HDHD5: variants seen among roughly 807,000 people sequenced by gnomAD.
HDHD5 encodes the protein haloacid dehalogenase like hydrolase domain containing 5, also known as haloacid dehalogenase-like hydrolase domain-containing 5.
In HDHD5, 34 loss-of-function variants were observed where a neutral mutation model predicts 35.5. The ratio of observed to expected loss-of-function variants is 0.96; its 90% confidence interval spans 0.73 to 1.28. The LOEUF is 1.28. HDHD5 is among the 50% of genes most tolerant of loss of function. The pLI, the probability that HDHD5 is intolerant of heterozygous loss-of-function variation, is 0.00. For missense variants in HDHD5, 589 were observed against 560.2 expected (o/e 1.05, Z -0.52); for synonymous variants, 248 against 240.6 (o/e 1.03, Z -0.29).
upstream of HDHD5, among the ~76,000 whole-genome samples, chr22:17,161,573 A>AG (rs2061864168): frequency 6.6e-6 from 1 of 151,824 alleles, no homozygotes; most frequent in African/African-American, 2.4e-5. Flanking sequence ...CCAAAAAAAA[A>AG]AAAAGCTGGA....
intron 3 of HDHD5, among the ~76,000 whole-genome samples, chr22:17,147,517 G>A (rs1314752839): frequency 1.3e-4 from 16 of 125,104 alleles, no homozygotes; most frequent in Middle Eastern, 6.1e-3. Context: ...ACACGCCATC[G>A]CACACGCCCC....
chr22:17,140,976 C>A, intron 6 of HDHD5, 83 bp downstream of exon 6: 1 of 1,319,868 alleles, frequency 7.6e-7, no homozygotes, highest in Non-Finnish European at 1.0e-6. Flanking sequence ...GGTGTCAGGA[C>A]GGATGGGAAC....
Position 17,159,145 on chromosome 22 carries a change from T to C in HDHD5, c.107A>G (p.Tyr36Cys), listed in dbSNP as rs1568953990. ...CCTCACCTGAGCGGGGCCCACAGCA[T>C]AGCACCTGCGGGCGGGGCGGCCCTG... ...GLQGRPARRC[Y>C]AVGPAQSPPT... The change falls in exon 1 of 8, where the codon TAT becomes TGT. Residue 36 changes from tyrosine (Y) to cysteine (C), a missense_variant. Transcript: ENST00000336737. The C allele has an allele frequency of 8.1e-7, 1 of 1,227,962 alleles. No homozygotes were observed. The highest frequency in any genetic ancestry group is 1.0e-6 in the Non-Finnish European group (1 of 983,568). 76.1% of individuals were successfully genotyped at this position (1,227,962 alleles called of 1,614,324 possible).
Position 17,138,677 on chromosome 22 carries a change from C to G in HDHD5, c.808G>C (p.Glu270Gln). 1 of 1,614,218 alleles carries G rather than the reference C, an allele frequency of 6.2e-7. No homozygotes were observed. The highest frequency in any genetic ancestry group is 1.1e-5 in the South Asian group (1 of 91,080). The change falls in exon 7 of 8, where the codon GAG becomes CAG. Residue 270 changes from glutamate (E) to glutamine (Q), a missense_variant. Glu to Gln is a conservative substitution (Grantham distance 29). Coordinates refer to ENST00000336737, the MANE Select transcript of HDHD5 (RefSeq NM_033070.3). Reference protein sequence around the residue: ...ETIYQKVTGKELRYEGLMGKP... With the variant: ...ETIYQKVTGKQLRYEGLMGKP... Reference sequence around the variant, plus strand: ...CCCATCAGGCCCTCGTATCTCAGCTCCTTGCCCGTCACTTTCTGGTAAATG... The same window carrying G: ...CCCATCAGGCCCTCGTATCTCAGCTGCTTGCCCGTCACTTTCTGGTAAATG...
intron 6 of HDHD5, 145 bp downstream of exon 6, chr22:17,140,914 C>G: frequency 1.5e-6 from 1 of 648,724 alleles, no homozygotes; most frequent in Admixed American, 4.0e-5. Context: ...TTCCAAAGGC[C>G]AGGTTACTGC....
chr22:17,148,373 T>C (rs2061688540), intron 3 of HDHD5, 75 bp downstream of exon 3: 3 of 1,215,876 alleles, frequency 2.5e-6, no homozygotes, highest in Non-Finnish European at 3.6e-6. Flanking sequence ...CTCACTACAG[T>C]CCCCACTCAG....
chr22:17,141,702 G>C (rs1032132955), intron 5 of HDHD5: 2 of 793,530 alleles, frequency 2.5e-6, no homozygotes, highest in Non-Finnish European at 3.1e-6. Context: ...TCTCCTGTAT[G>C]ACTGTGGCCA....
intron 1 of HDHD5, among the ~76,000 whole-genome samples, chr22:17,158,278 G>C (rs1218022317): frequency 6.6e-6 from 1 of 151,792 alleles, no homozygotes; most frequent in Non-Finnish European, 1.5e-5. Flanking sequence ...CAGAGATTGC[G>C]CCACTGCACT....
At chr22:17,149,420 G>A (rs2061700632) in intron 2 of HDHD5, 122 bp downstream of exon 2, 1 of 831,830 alleles carries the variant, frequency 1.2e-6, no homozygotes, top group Admixed American at 2.3e-5. Context: ...GTTCAGCTGT[G>A]GCCATGACCT....
rs555445659 is a variant in HDHD5, at chr22:17,148,662, C to T, written c.331-102G>A. 363 of 859,972 alleles carry T rather than the reference C, an allele frequency of 4.2e-4. 1 individual carries two copies. Among genetic ancestry groups the T allele is most frequent in the Non-Finnish European group, 6.5e-4 (336 of 520,412 alleles). 53.3% of individuals were successfully genotyped at this position (859,972 alleles called of 1,614,324 possible). ...CCTTTAGCCTAGGGAAGGAAAAAACCCGCTCAGAAAAAGAACGGGGAGGAA... is the reference window on the plus strand; with the variant it reads ...CCTTTAGCCTAGGGAAGGAAAAAACTCGCTCAGAAAAAGAACGGGGAGGAA... On this transcript the variant is annotated intron_variant, in intron 2 of 7. Transcript: ENST00000336737.
At chr22:17,164,222 GAAAAAAAAAAA>G (rs60212114), upstream of HDHD5, among the ~76,000 whole-genome samples, 6 of 111,962 alleles carry the variant, frequency 5.4e-5, no homozygotes, top group African/African-American at 1.9e-4. Context: ...CTCCATCTCA[GAAAAAAAAAAA>G]AAAAAAAAAA....
At chr22:17,150,097 G>A (rs998204700) in intron 1 of HDHD5, among the ~76,000 whole-genome samples, 37 of 151,962 alleles carry the variant, frequency 2.4e-4, no homozygotes, top group African/African-American at 8.9e-4. Context: ...TATTAGGCGT[G>A]AGCCACCGAG....
At chr22:17,162,156 A>C (rs1601409918), upstream of HDHD5, among the ~76,000 whole-genome samples, 6 of 152,358 alleles carry the variant, frequency 3.9e-5, no homozygotes, top group Middle Eastern at 0.014. Context: ...GCATCCTACC[A>C]GTAGTCAGGA....
At chr22:17,162,662 A>C (rs532163970), upstream of HDHD5, among the ~76,000 whole-genome samples, 1 of 152,336 alleles carries the variant, frequency 6.6e-6, no homozygotes, top group South Asian at 2.1e-4. Flanking sequence ...TGTACGTGAT[A>C]AGTCTTTATT....
At chr22:17,148,640 T>C (rs1568945690) in intron 2 of HDHD5, 80 bp from the exon 3 acceptor site, 2 of 1,116,038 alleles carry the variant, frequency 1.8e-6, no homozygotes, top group Non-Finnish European at 1.3e-6. Flanking sequence ...GGCAGGTCCT[T>C]TAGCCTAGGG....
upstream of HDHD5, chr22:17,159,286 G>GCCCC (rs746678755): frequency 5.3e-5 from 55 of 1,040,484 alleles, no homozygotes; most frequent in African/African-American, 1.3e-4. Flanking sequence ...ACGGCGTGCG[G>GCCCC]CCCCCCCCCC....
At chr22:17,160,656 A>AC, upstream of HDHD5, among the ~76,000 whole-genome samples, 1 of 149,664 alleles carries the variant, frequency 6.7e-6, no homozygotes, top group East Asian at 1.9e-4. Context: ...CTTGAAAAAA[A>AC]AAAAAATAAT....
chr22:17,148,537 G>A lies in HDHD5; in HGVS notation c.354C>T (p.Leu118=). 6.2e-7 allele frequency: 1 copy of A among 1,614,196 alleles called. No individual in the cohort carries two copies. The highest frequency in any genetic ancestry group is 8.5e-7 in the Non-Finnish European group (1 of 1,180,032). Residue 118 remains leucine (L), a synonymous_variant, in exon 3 of 8, where the codon CTC becomes CTT. Transcript: ENST00000336737. ...AGAAGAGCTTCATGGGGCTGTGAGA[G>A]AGGATAACTTGGTCTGCATCCACCT... ...GCEVDADQVI[L]SHSPMKLFSE...
At chr22:17,141,677 C>G in intron 5 of HDHD5, 1 of 938,972 alleles carries the variant, frequency 1.1e-6, no homozygotes, top group Non-Finnish European at 1.3e-6. Context: ...GAAACCCAAC[C>G]TGGACTCCAC....
Sources: allele counts gnomAD v4.1 joint callset (sites outside exome capture counted in the v4.1 genomes callset), GRCh38; gene constraint gnomAD v4.1.1; transcripts MANE v1.5; gene names NCBI Gene and HGNC (gene_info 2026-07-23, HGNC 2026-07-21).